Variants in FHOD3 observed in about 807,000 individuals in gnomAD.
The protein encoded by FHOD3 is formin homology 2 domain containing 3.
FHOD3 carries 90 observed loss-of-function variants against 173.0 expected under a neutral mutation model. That is an observed-to-expected ratio of 0.52 (90% CI 0.44 to 0.62). FHOD3 has a LOEUF of 0.62. Among genes scored for constraint, FHOD3 ranks in the 20% least tolerant of loss-of-function variants. The pLI, the probability that FHOD3 is intolerant of heterozygous loss-of-function variation, is 0.00. For missense variants in FHOD3, 1,945 were observed against 2,034.7 expected (o/e 0.96, Z 0.85); for synonymous variants, 828 against 823.0 (o/e 1.01, Z -0.10).
At chr18:36,348,594 C>G (rs545058610) in intron 1 of FHOD3, among the ~76,000 whole-genome samples, 1 of 152,130 alleles carries the variant, frequency 6.6e-6, no homozygotes, top group African/African-American at 2.4e-5. Context: ...TTTGGGACTT[C>G]GTGTGTTCTT....
chr18:36,739,574 C>T (rs369532257), intron 20 of FHOD3, among the ~76,000 whole-genome samples: 4 of 152,282 alleles, frequency 2.6e-5, no homozygotes, highest in South Asian at 4.1e-4. Flanking sequence ...ATCTTGTCTG[C>T]GTTGAGTCTT....
At chr18:36,596,628 T>C (rs552435456) in intron 7 of FHOD3, among the ~76,000 whole-genome samples, 2 of 152,236 alleles carry the variant, frequency 1.3e-5, no homozygotes, top group East Asian at 1.9e-4. Flanking sequence ...CCTATACCCT[T>C]GAACATGCAG....
chr18:36,470,919 G>A (rs925389594), intron 3 of FHOD3, among the ~76,000 whole-genome samples: 11 of 152,210 alleles, frequency 7.2e-5, no homozygotes, highest in Admixed American at 3.9e-4. Context: ...GGTGCCTTCC[G>A]TGGGGTCTTT....
intron 15 of FHOD3, 136 bp from the exon 16 acceptor site, chr18:36,686,992 C>T: frequency 3.4e-6 from 2 of 587,670 alleles, no homozygotes; most frequent in Non-Finnish European, 5.9e-6. Context: ...TTTAAAAATT[C>T]AGCTACAACC....
chr18:36,635,725 C>T (rs1365246028), intron 10 of FHOD3, among the ~76,000 whole-genome samples: 1 of 152,166 alleles, frequency 6.6e-6, no homozygotes, highest in African/African-American at 2.4e-5. Context: ...TTCCCATAGT[C>T]AGTTGGATAG....
At chr18:36,465,718 T>G (rs1464227063) in intron 3 of FHOD3, among the ~76,000 whole-genome samples, 1 of 152,134 alleles carries the variant, frequency 6.6e-6, no homozygotes, top group Non-Finnish European at 1.5e-5. Context: ...GCCTATTGAT[T>G]GATACTAGAT....
rs528817786 is a variant in FHOD3 at position 36,492,242 on chromosome 18, G to C, written c.338-9690G>C. Among the ~76,000 whole-genome samples the C allele has an allele frequency of 2.6e-5, 4 of 152,110 alleles. No individual in the cohort carries two copies. The South Asian group carries it at 8.3e-4, about 32-fold the overall frequency. Reference sequence around the variant, plus strand: ...AGCATTTCTCACTGTGGTTCATTTTGTTCCATGTCACCTCATCTGAACCTC... The same window carrying C: ...AGCATTTCTCACTGTGGTTCATTTTCTTCCATGTCACCTCATCTGAACCTC... On this transcript the variant is annotated intron_variant, in intron 3 of 28. Transcript: ENST00000590592.
Position 36,618,311 on chromosome 18 carries a change from GTT to G in FHOD3, c.957+6237_957+6238del, listed in dbSNP as rs34019893. Among the ~76,000 whole-genome samples, 538 of 70,844 alleles carry G rather than the reference GTT, an allele frequency of 7.6e-3. 3 individuals carry two copies. The highest frequency in any genetic ancestry group is 0.023 in the Middle Eastern group (1 of 44). The allele number at this position is 70,844 out of a possible 152,430, so 46.5% of individuals were successfully genotyped here. ...CATTTGGTAATGATGTTTTTTGGTG[GTT>G]TTTTTTTTTTTTTTTTTTTTGAGAT... On this transcript the variant is annotated intron_variant, in intron 9 of 28. Coordinates refer to ENST00000590592, the MANE Select transcript of FHOD3 (RefSeq NM_001281740.3).
intron 24 of FHOD3, among the ~76,000 whole-genome samples, chr18:36,748,588 C>T (rs1297071315): frequency 6.6e-6 from 1 of 152,130 alleles, no homozygotes; most frequent in Non-Finnish European, 1.5e-5. Flanking sequence ...CTCTGATTAT[C>T]CCATTCTCCT....
At chr18:36,773,912 T>C (rs2043508982) in intron 28 of FHOD3, among the ~76,000 whole-genome samples, 1 of 152,198 alleles carries the variant, frequency 6.6e-6, no homozygotes, top group Non-Finnish European at 1.5e-5. Flanking sequence ...TTGGCTAGCA[T>C]TGTTGAGATA....
intron 18 of FHOD3, among the ~76,000 whole-genome samples, chr18:36,715,688 G>A (rs564025242): frequency 1.4e-5 from 2 of 147,882 alleles, no homozygotes; most frequent in African/African-American, 5.2e-5. Flanking sequence ...GGCAGAGGCA[G>A]ACAATAAAAT....
At chr18:36,540,083 T>C (rs2057147439) in intron 5 of FHOD3, among the ~76,000 whole-genome samples, 1 of 152,142 alleles carries the variant, frequency 6.6e-6, no homozygotes, top group Non-Finnish European at 1.5e-5. Flanking sequence ...ATGACACACA[T>C]AAGAAATGCA....
At chr18:36,610,140 C>T (rs1196954789) in intron 8 of FHOD3, among the ~76,000 whole-genome samples, 1 of 152,142 alleles carries the variant, frequency 6.6e-6, no homozygotes, top group African/African-American at 2.4e-5. Context: ...TGGGGCTGGC[C>T]CCCACGCTGC....
chr18:36,679,827 T>C (rs1328342721), intron 14 of FHOD3, among the ~76,000 whole-genome samples: 1 of 152,230 alleles, frequency 6.6e-6, no homozygotes, highest in African/African-American at 2.4e-5. Flanking sequence ...GTAGTCCTTA[T>C]ATATTTGAAA....
rs565845331 is a variant in FHOD3, at chr18:36,755,116, C to T, written c.4233-3C>T. On this transcript the variant is annotated splice_region_variant and splice_polypyrimidine_tract_variant and intron_variant, in intron 24 of 28. Transcript: ENST00000590592. ...CATTGCTATTACTGTTTTTTCCTTG[C>T]AGATTCCACTCCTTTTTACTCTTTA... 1.2e-5 allele frequency: 19 copies of T among 1,540,282 alleles called. No individual in the cohort carries two copies. The African/African-American group carries it at 1.7e-4, about 14-fold the overall frequency.
intron 3 of FHOD3, among the ~76,000 whole-genome samples, chr18:36,410,977 A>C (rs1336294045): frequency 1.3e-5 from 2 of 152,048 alleles, no homozygotes; most frequent in African/African-American, 4.8e-5. Context: ...TGTGTTCTTG[A>C]TGATGTTCTT....
chr18:36,709,442 G>GC (rs1441226530), intron 18 of FHOD3, 51 bp downstream of exon 18: 1 of 1,561,696 alleles, frequency 6.4e-7, no homozygotes, highest in African/African-American at 1.4e-5. Flanking sequence ...GGCCTGGGGT[G>GC]CAGGGGCTGG....
chr18:36,440,822 T>A (rs530414991), intron 3 of FHOD3, among the ~76,000 whole-genome samples: 1 of 152,338 alleles, frequency 6.6e-6, no homozygotes, highest in African/African-American at 2.4e-5. Flanking sequence ...ATAGGCCATG[T>A]GTAGCCATTC....
intron 20 of FHOD3, 34 bp from the exon 21 acceptor site, chr18:36,740,622 A>G (rs1333899734): frequency 1.9e-6 from 3 of 1,564,158 alleles, no homozygotes. Flanking sequence ...TCCATCACTA[A>G]GAGAAAATAT....
Sources: allele counts gnomAD v4.1 joint callset (sites outside exome capture counted in the v4.1 genomes callset), GRCh38; gene constraint gnomAD v4.1.1; transcripts MANE v1.5; gene names NCBI Gene and HGNC (gene_info 2026-07-23, HGNC 2026-07-21).